The following IGFBP7 variants were observed in gnomAD, a reference collection of about 807,000 sequenced individuals.
IGFBP7 encodes insulin-like growth factor-binding protein 7.
A neutral mutation model predicts 29.4 loss-of-function variants in IGFBP7; 31 were observed. That is an observed-to-expected ratio of 1.05 (90% CI 0.79 to 1.42). The LOEUF is 1.42. Among genes scored for constraint, IGFBP7 ranks in the 40% most tolerant of loss-of-function variants. IGFBP7 has a pLI of 0.00. For missense variants in IGFBP7, 393 were observed against 395.5 expected (o/e 0.99, Z 0.05); for synonymous variants, 172 against 174.9 (o/e 0.98, Z 0.13).
intron 1 of IGFBP7, among the ~76,000 whole-genome samples, chr4:57,087,437 T>G (rs1054086086): frequency 6.6e-6 from 1 of 152,228 alleles, no homozygotes; most frequent in African/African-American, 2.4e-5. Flanking sequence ...TTTAAAATAC[T>G]TTATATTTTG....
At chr4:57,036,109 C>T (rs556581976) in intron 2 of IGFBP7, among the ~76,000 whole-genome samples, 12 of 152,172 alleles carry the variant, frequency 7.9e-5, no homozygotes, top group Non-Finnish European at 1.3e-4. Flanking sequence ...TGGAATATTA[C>T]GTAGCTGTTG....
At chr4:57,098,979 C>T (rs1182882559) in intron 1 of IGFBP7, among the ~76,000 whole-genome samples, 1 of 152,142 alleles carries the variant, frequency 6.6e-6, no homozygotes, top group African/African-American at 2.4e-5. Flanking sequence ...CTTTCAAAAC[C>T]TTCTGAATGT....
chr4:57,104,016 AC>A (rs1725964293), intron 1 of IGFBP7, among the ~76,000 whole-genome samples: 1 of 150,500 alleles, frequency 6.6e-6, no homozygotes, highest in Non-Finnish European at 1.5e-5. Flanking sequence ...CCTCCTCCCA[AC>A]CCCATCTCTG....
At chr4:57,074,072 T>TTC (rs1725135015) in intron 1 of IGFBP7, among the ~76,000 whole-genome samples, 4 of 150,358 alleles carry the variant, frequency 2.7e-5, no homozygotes, top group Non-Finnish European at 5.9e-5. Context: ...TCTCTCTTTT[T>TTC]TCTTTTGAGA....
chr4:57,077,744 C>T (rs1167034380), intron 1 of IGFBP7, among the ~76,000 whole-genome samples: 2 of 152,184 alleles, frequency 1.3e-5, no homozygotes, highest in Non-Finnish European at 1.5e-5. Flanking sequence ...AACAGAACTG[C>T]CGCGTCACTC....
intron 1 of IGFBP7, among the ~76,000 whole-genome samples, chr4:57,077,431 C>T (rs1480487415): frequency 1.3e-5 from 2 of 152,140 alleles, no homozygotes; most frequent in South Asian, 2.1e-4. Flanking sequence ...GCACATGCCA[C>T]CATACCCGGC....
chr4:57,106,158 G>A (rs1394332899), intron 1 of IGFBP7, among the ~76,000 whole-genome samples: 1 of 151,992 alleles, frequency 6.6e-6, no homozygotes, highest in East Asian at 1.9e-4. Flanking sequence ...CGCCCGCCTC[G>A]GCCTCCCAAA....
chr4:57,033,124 A>G (rs889933451), intron 3 of IGFBP7, 71 bp downstream of exon 3: 2 of 1,058,402 alleles, frequency 1.9e-6, no homozygotes, highest in Non-Finnish European at 3.0e-6. Context: ...TACATCAGGC[A>G]CCTTTGCCAG....
At chr4:57,095,190 T>G (rs1327032723) in intron 1 of IGFBP7, among the ~76,000 whole-genome samples, 1 of 152,230 alleles carries the variant, frequency 6.6e-6, no homozygotes, top group Non-Finnish European at 1.5e-5. Flanking sequence ...CTGTTGGCCA[T>G]GAGTTCAATG....
intron 1 of IGFBP7, among the ~76,000 whole-genome samples, chr4:57,062,593 C>T (rs937679641): frequency 6.6e-6 from 1 of 152,088 alleles, no homozygotes. Context: ...CTACCCATAT[C>T]TTAGAATAAA....
In IGFBP7 at chr4:57,097,723, T is replaced by C. The variant is rs1047494105; in HGVS notation, c.475+12154A>G. Among the ~76,000 whole-genome samples, 3 of 152,132 alleles carry C rather than the reference T, an allele frequency of 2.0e-5. No individual in the cohort carries two copies. In the East Asian group the frequency reaches 5.8e-4, roughly 29 times the overall value. On this transcript the variant is annotated intron_variant, in intron 1 of 4. Transcript: ENST00000295666. ...CTGTCTTGCAGGTAAAAAAAAATCA[T>C]GAATGAAGGAGGTTAGGGTCACACA...
chr4:57,086,306 T>TCAC (rs1725495953), intron 1 of IGFBP7, among the ~76,000 whole-genome samples: 2 of 152,130 alleles, frequency 1.3e-5, no homozygotes, highest in African/African-American at 4.8e-5. Context: ...GAGTTACAAT[T>TCAC]CAATGTGAGA....
At chr4:57,072,991 C>T in intron 1 of IGFBP7, 1 of 905,664 alleles carries the variant, frequency 1.1e-6, no homozygotes. Context: ...CCATCCTGCT[C>T]TCCATCCACA....
intron 1 of IGFBP7, among the ~76,000 whole-genome samples, chr4:57,090,319 T>C (rs1475193539): frequency 6.6e-6 from 1 of 152,238 alleles, no homozygotes; most frequent in Non-Finnish European, 1.5e-5. Flanking sequence ...CCTGCTTTCT[T>C]GTCAGTGTCT....
At chr4:57,034,061 A>AAAAC (rs1724020287) in intron 2 of IGFBP7, among the ~76,000 whole-genome samples, 1 of 151,078 alleles carries the variant, frequency 6.6e-6, no homozygotes, top group Non-Finnish European at 1.5e-5. Context: ...AAAAAAAAAA[A>AAAAC]AAAAAAACAG....
chr4:57,048,712 T>C (rs1724427653), intron 1 of IGFBP7, among the ~76,000 whole-genome samples: 1 of 152,174 alleles, frequency 6.6e-6, no homozygotes, highest in African/African-American at 2.4e-5. Flanking sequence ...TGAAGAAGTA[T>C]GTGAACAATT....
intron 1 of IGFBP7, among the ~76,000 whole-genome samples, chr4:57,081,182 A>G (rs990002360): frequency 2.6e-5 from 4 of 152,110 alleles, no homozygotes; most frequent in African/African-American, 9.7e-5. Flanking sequence ...GCCCAGGGAA[A>G]GTGCCTCTAA....
intron 1 of IGFBP7, among the ~76,000 whole-genome samples, chr4:57,071,016 G>T (rs1174830139): frequency 6.6e-6 from 1 of 152,162 alleles, no homozygotes; most frequent in Admixed American, 6.5e-5. Context: ...TATTTCTTCT[G>T]CTCTGAACAC....
At chr4:57,039,065 CAAAA>C (rs71208974) in intron 2 of IGFBP7, among the ~76,000 whole-genome samples, 11 of 106,468 alleles carry the variant, frequency 1.0e-4, no homozygotes, top group South Asian at 6.5e-4. Flanking sequence ...AACTATGTCT[CAAAA>C]AAAAAAAAAA....
Sources: gnomAD v4.1 joint callset for allele counts (sites outside exome capture counted in the v4.1 genomes callset) on GRCh38, gnomAD v4.1.1 for gene constraint, MANE v1.5 for transcripts, NCBI Gene and HGNC (gene_info 2026-07-23, HGNC 2026-07-21) for gene names.